The following MIA2 variants were observed in gnomAD, a reference collection of about 807,000 sequenced individuals.
The protein encoded by MIA2 is melanoma inhibitory activity protein 2.
Under a neutral mutation model 167.8 loss-of-function variants are expected in MIA2, and 127 were observed. That is an observed-to-expected ratio of 0.76 (90% confidence interval 0.66 to 0.88). The LOEUF is 0.88. MIA2 is among the 40% of genes least tolerant of loss of function. The pLI is 0.00. For missense variants in MIA2, 1,690 were observed against 1,624.7 expected (o/e 1.04, Z -0.69); for synonymous variants, 552 against 541.9 (o/e 1.02, Z -0.26).
intron 23 of MIA2, among the ~76,000 whole-genome samples, chr14:39,361,916 T>C (rs1357489760): frequency 6.6e-6 from 1 of 152,224 alleles, no homozygotes; most frequent in East Asian, 1.9e-4. Flanking sequence ...AATGAAGGGA[T>C]GTTTAATTTT....
At chr14:39,353,188 T>TA (rs1375081574), downstream of MIA2, among the ~76,000 whole-genome samples, 1 of 152,236 alleles carries the variant, frequency 6.6e-6, no homozygotes, top group African/African-American at 2.4e-5. Flanking sequence ...TTTCTGTACA[T>TA]ATGATTATCA....
chr14:39,319,597 A>G (rs2066058259), intron 23 of MIA2, among the ~76,000 whole-genome samples: 1 of 151,960 alleles, frequency 6.6e-6, no homozygotes, highest in Non-Finnish European at 1.5e-5. Context: ...CTCATTAACA[A>G]TTTTCTGTGA....
intron 6 of MIA2, among the ~76,000 whole-genome samples, chr14:39,264,273 G>T (rs1038802351): frequency 1.3e-5 from 2 of 152,104 alleles, no homozygotes; most frequent in African/African-American, 4.8e-5. Flanking sequence ...TGCAAAGAAT[G>T]TGACTTCATT....
In MIA2 at chr14:39,279,585, A is replaced by G. The variant is rs79293806; in HGVS notation, c.2130+48A>G. 4.4e-4 allele frequency: 545 copies of G among 1,238,578 alleles called. 1 individual carries two copies. In the African/African-American group the frequency reaches 7.6e-3, roughly 17 times the overall value. The allele number at this position is 1,238,578 out of a possible 1,614,324, so 76.7% of individuals were successfully genotyped here. On this transcript the variant is annotated intron_variant, in intron 9 of 28. Transcript: ENST00000640607. ...ATTCATGTTAGAGTCAGAGAACTTT[A>G]TACTTCTCACTGTAGGTACTTCTGT...
chr14:39,302,288 G>C, intron 15 of MIA2, 39 bp downstream of exon 15: 1 of 1,604,558 alleles, frequency 6.2e-7, no homozygotes, highest in Non-Finnish European at 8.5e-7. Context: ...CTAAAATGGT[G>C]ACTAGCTCTT....
At chr14:39,279,244 C>T (rs2058588138) in intron 7 of MIA2, 93 bp from the exon 8 acceptor site, 2 of 1,015,406 alleles carry the variant, frequency 2.0e-6, no homozygotes, top group Non-Finnish European at 3.0e-6. Context: ...AATAAGAAAC[C>T]TGTATTTCTA....
chr14:39,296,104 T>C (rs1455511357), intron 13 of MIA2, among the ~76,000 whole-genome samples: 1 of 152,170 alleles, frequency 6.6e-6, no homozygotes, highest in Non-Finnish European at 1.5e-5. Context: ...CTGTTCTGTG[T>C]CCTAAGATTT....
chr14:39,319,106 G>A, intron 22 of MIA2, 103 bp from the exon 23 acceptor site: 1 of 527,624 alleles, frequency 1.9e-6, no homozygotes, highest in Non-Finnish European at 3.4e-6. Flanking sequence ...GTTCTGTGTA[G>A]ATATTAAAAT....
chr14:39,348,591 A>C (rs1379354505), intron 27 of MIA2, 152 bp from the exon 28 acceptor site: 25 of 1,153,254 alleles, frequency 2.2e-5, no homozygotes, highest in Admixed American at 6.4e-5. Context: ...CTGATACATT[A>C]CTGTGGAAAG....
chr14:39,345,466 C>G (rs2073036299), intron 25 of MIA2, among the ~76,000 whole-genome samples: 1 of 152,162 alleles, frequency 6.6e-6, no homozygotes, highest in Admixed American at 6.5e-5. Context: ...ACTCTTTCTG[C>G]TTTGATGACA....
intron 6 of MIA2, among the ~76,000 whole-genome samples, chr14:39,255,793 T>G (rs2054791424): frequency 6.6e-6 from 1 of 152,228 alleles, no homozygotes; most frequent in Admixed American, 6.5e-5. Flanking sequence ...AATATGCTTA[T>G]TTTTGTGGAC....
chr14:39,376,251 G>A (rs927534068), intron 23 of MIA2, among the ~76,000 whole-genome samples: 2 of 152,162 alleles, frequency 1.3e-5, no homozygotes, highest in Non-Finnish European at 2.9e-5. Context: ...ACTGCGCCCA[G>A]CCAAATGGTT....
chr14:39,234,177 G>A lies in MIA2; in HGVS notation c.63G>A (p.Glu21=). Residue 21 remains glutamate, a synonymous_variant, in exon 1 of 29, where the codon GAG becomes GAA. Transcript: ENST00000640607. Reference sequence around the variant, plus strand: ...CTATTTCTCTGACAAAGTGTCTGGAGAGTACAAAACTGCTGGCAGACCTTA... The same window carrying A: ...CTATTTCTCTGACAAAGTGTCTGGAAAGTACAAAACTGCTGGCAGACCTTA... ...LLAISLTKCL[E]STKLLADLKK... 1 of 1,610,160 alleles carries A rather than the reference G, an allele frequency of 6.2e-7. No individual in the cohort carries two copies. The highest frequency in any genetic ancestry group is 1.3e-5 in the African/African-American group (1 of 74,766).
At chr14:39,246,880 T>C (rs1221047504) in intron 3 of MIA2, 31 bp from the exon 4 acceptor site, 1 of 1,243,066 alleles carries the variant, frequency 8.0e-7, no homozygotes, top group East Asian at 2.4e-5. Context: ...AGTACATTCA[T>C]GTTAATCATA....
chr14:39,295,614 C>T (rs1323331553), intron 13 of MIA2, among the ~76,000 whole-genome samples: 2 of 152,014 alleles, frequency 1.3e-5, no homozygotes, highest in Non-Finnish European at 2.9e-5. Flanking sequence ...GGCTGGAGTG[C>T]AGTGGCGTGA....
At chr14:39,317,792 A>C (rs896612505) in intron 21 of MIA2, 152 bp from the exon 22 acceptor site, 1 of 455,448 alleles carries the variant, frequency 2.2e-6, no homozygotes, top group African/African-American at 2.1e-5. Flanking sequence ...TAAGTCTTAC[A>C]CTTTTTCTTA....
intron 23 of MIA2, among the ~76,000 whole-genome samples, chr14:39,377,563 T>C (rs900821962): frequency 6.9e-4 from 105 of 152,270 alleles, no homozygotes; most frequent in African/African-American, 2.2e-3. Flanking sequence ...ATGAAAACAT[T>C]AGGCAAGGCT....
intron 21 of MIA2, among the ~76,000 whole-genome samples, chr14:39,317,358 T>A (rs1377953243): frequency 6.6e-6 from 1 of 152,134 alleles, no homozygotes; most frequent in Non-Finnish European, 1.5e-5. Context: ...TAGGAGAGGC[T>A]CATATTAGTT....
intron 4 of MIA2, among the ~76,000 whole-genome samples, chr14:39,252,160 G>A (rs1166290366): frequency 1.3e-5 from 2 of 152,054 alleles, no homozygotes; most frequent in Non-Finnish European, 2.9e-5. Flanking sequence ...CTGAATAAAA[G>A]CCCCCTAAAA....
Sources: gnomAD v4.1 joint callset for allele counts (sites outside exome capture counted in the v4.1 genomes callset) on GRCh38, gnomAD v4.1.1 for gene constraint, MANE v1.5 for transcripts, NCBI Gene and HGNC (gene_info 2026-07-23, HGNC 2026-07-21) for gene names.